Variants in METAP2 observed in about 807,000 individuals in gnomAD.
METAP2 encodes methionine aminopeptidase 2.
In METAP2, 25 loss-of-function variants were observed where a neutral mutation model predicts 59.4. The observed-to-expected ratio is 0.42, with a 90% CI of 0.31 to 0.59. The LOEUF is 0.59. Ranked by LOEUF, METAP2 falls within the 20% of genes least tolerant of loss-of-function variation. The pLI, the probability that METAP2 is intolerant of heterozygous loss-of-function variation, is 0.16. For missense variants in METAP2, 366 were observed against 581.2 expected (o/e 0.63, Z 3.81); for synonymous variants, 214 against 194.1 (o/e 1.10, Z -0.85).
intron 8 of METAP2, among the ~76,000 whole-genome samples, chr12:95,509,410 G>A (rs1342179421): frequency 2.6e-5 from 4 of 152,142 alleles, no homozygotes; most frequent in African/African-American, 7.2e-5. Context: ...TTTTGAAGAC[G>A]AAAATGAGGA....
rs77204336 is a variant in METAP2 at position 95,499,580 on chromosome 12, T to C, written c.867+3482T>C. Among the ~76,000 whole-genome samples, 7 of 151,606 alleles carry C rather than the reference T, an allele frequency of 4.6e-5. 1 individual carries two copies. Among genetic ancestry groups the C allele is most frequent in the East Asian group, 3.9e-4 (2 of 5,188 alleles). ...CCATACGAATTTAGGATTTTTTTTTTCTGCAAAAAACACCAAATGGATTTT... is the reference window on the plus strand; with the variant it reads ...CCATACGAATTTAGGATTTTTTTTTCCTGCAAAAAACACCAAATGGATTTT... On this transcript the variant is annotated intron_variant, in intron 7 of 10. Coordinates refer to ENST00000323666, the MANE Select transcript of METAP2 (RefSeq NM_006838.4).
chr12:95,510,605 G>A (rs917857121), intron 8 of METAP2, among the ~76,000 whole-genome samples: 1 of 152,192 alleles, frequency 6.6e-6, no homozygotes, highest in Non-Finnish European at 1.5e-5. Flanking sequence ...CACTGGGGAT[G>A]AAATTCCCAA....
At chr12:95,513,090 T>TAAACACAC (rs2076415551) in intron 10 of METAP2, among the ~76,000 whole-genome samples, 174 bp downstream of exon 10, 1 of 136,092 alleles carries the variant, frequency 7.3e-6, no homozygotes, top group Non-Finnish European at 1.6e-5. Context: ...AGATAAAAAT[T>TAAACACAC]ACACACACAC....
At chr12:95,509,425 A>G (rs2076385127) in intron 8 of METAP2, among the ~76,000 whole-genome samples, 1 of 152,218 alleles carries the variant, frequency 6.6e-6, no homozygotes, top group Non-Finnish European at 1.5e-5. Context: ...TGAGGATGAC[A>G]TAATTGTTTT....
chr12:95,495,164 C>T (rs750248435), intron 6 of METAP2, 26 bp downstream of exon 6: 9 of 1,565,826 alleles, frequency 5.7e-6, no homozygotes, highest in Non-Finnish European at 6.1e-6. Context: ...AAATTCCTAC[C>T]CCAGCCTCCT....
intron 2 of METAP2, among the ~76,000 whole-genome samples, chr12:95,480,030 A>C (rs1316366590): frequency 2.0e-5 from 3 of 152,200 alleles, no homozygotes; most frequent in Non-Finnish European, 4.4e-5. Flanking sequence ...CTCCAGAAAA[A>C]AGTTGTGTCT....
chr12:95,477,134 C>T lies in METAP2; in HGVS notation c.259+956C>T, dbSNP rs1003080403. ...TTTTTTTCTTTTTGAGACCGAGTCT[C>T]GCTCTGTCGCACAGGCTGGAGTGCA... On this transcript the variant is annotated intron_variant, in intron 2 of 10. Coordinates refer to ENST00000323666, the MANE Select transcript of METAP2 (RefSeq NM_006838.4). 5.3e-5 allele frequency among the ~76,000 whole-genome samples: 8 copies of T among 152,064 alleles called. No individual in the cohort carries two copies. The East Asian group carries it at 5.8e-4, about 11-fold the overall frequency.
At position 95,496,028 on chromosome 12, in the gene METAP2, C is replaced by T. The variant is rs2076273176; in HGVS notation, c.797C>T (p.Thr266Ile). The change falls in exon 7 of 11, where the codon ACT (threonine) becomes ATT (isoleucine). Residue 266 changes from threonine to isoleucine, a missense_variant. Coordinates refer to ENST00000323666, the MANE Select transcript of METAP2 (RefSeq NM_006838.4). ...GGTAGGATTATTGACTGTGCTTTTA[C>T]TGTCACTTTTAATCCCAAATATGAT... ...ISGRIIDCAF[T>I]VTFNPKYDTL... is the part of the protein sequence containing the mutation. 1 of 1,596,004 alleles carries T rather than the reference C, an allele frequency of 6.3e-7. No individual in the cohort carries two copies. The highest frequency in any genetic ancestry group is 8.6e-7 in the Non-Finnish European group (1 of 1,167,114).
chr12:95,513,603 A>G, intron 10 of METAP2, 49 bp from the exon 11 acceptor site: 1 of 1,573,340 alleles, frequency 6.4e-7, no homozygotes, highest in Non-Finnish European at 8.6e-7. Flanking sequence ...GAGGGAAATC[A>G]GTTCGTAACT....
At chr12:95,487,914 A>G (rs2076209478) in intron 4 of METAP2, among the ~76,000 whole-genome samples, 1 of 152,098 alleles carries the variant, frequency 6.6e-6, no homozygotes, top group African/African-American at 2.4e-5. Flanking sequence ...GCTGATGGCC[A>G]TTTGCTTTGT....
At chr12:95,492,254 G>C (rs550198473) in intron 4 of METAP2, among the ~76,000 whole-genome samples, 4 of 152,010 alleles carry the variant, frequency 2.6e-5, no homozygotes, top group Non-Finnish European at 5.9e-5. Context: ...TCCCACTTTG[G>C]CCTCCCAAAC....
Position 95,504,284 on chromosome 12 carries a change from G to T in METAP2, c.964+123G>T. 3 of 655,200 alleles carry T rather than the reference G, an allele frequency of 4.6e-6. No homozygotes were observed. The South Asian group carries it at 5.9e-5, about 13-fold the overall frequency. The allele number at this position is 655,200 out of a possible 1,614,324, so 40.6% of individuals were successfully genotyped here. A position where few individuals can be genotyped will look rare whatever the true frequency, so the allele number is the denominator to read the frequency against. ...AATTCAAGGAAAGAAGACGGGAAAT[G>T]ACCTGCTTAGAGCATGGTAGGAGTA... On this transcript the variant is annotated intron_variant, in intron 8 of 10. Transcript: ENST00000323666.
chr12:95,486,070 C>T (rs1230096352), intron 4 of METAP2, 89 bp downstream of exon 4: 9 of 899,834 alleles, frequency 1.0e-5, no homozygotes, highest in East Asian at 2.7e-5. Flanking sequence ...AACTTTGCTC[C>T]ACTACTTTAA....
chr12:95,493,168 A>G (rs2076252124), intron 4 of METAP2, among the ~76,000 whole-genome samples: 1 of 152,122 alleles, frequency 6.6e-6, no homozygotes, highest in African/African-American at 2.4e-5. Flanking sequence ...CATGGATCTT[A>G]TTCCCAGATA....
chr12:95,512,763 T>C (rs1265227802), intron 9 of METAP2, 38 bp from the exon 10 acceptor site: 6 of 1,122,852 alleles, frequency 5.3e-6, no homozygotes, highest in Middle Eastern at 2.0e-4. Flanking sequence ...TCTGAATTTT[T>C]CTTCTTTCTC....
intron 2 of METAP2, among the ~76,000 whole-genome samples, chr12:95,480,986 G>A (rs1032130446): frequency 2.0e-5 from 3 of 152,168 alleles, no homozygotes; most frequent in African/African-American, 7.2e-5. Context: ...TAGCTGTTAT[G>A]TTTAGGTCTA....
At position 95,494,082 on chromosome 12, in the gene METAP2, G is replaced by A; in HGVS notation, c.455G>A (p.Ser152Asn). The A allele has an allele frequency of 1.9e-6, 3 of 1,613,956 alleles. No homozygotes were observed. The highest frequency in any genetic ancestry group is 2.5e-6 in the Non-Finnish European group (3 of 1,179,964). ...DGRTAAWRTT[S>N]EEKKALDQAS... ...CGAACAGCTGCTTGGAGAACTACAA[G>A]TGAAGAAAAGAAAGCATTAGATCAG... is the stretch of plus-strand genomic sequence containing the variant. Residue 152 changes from serine (S) to asparagine (N), a missense_variant, in exon 5 of 11, where the codon AGT (serine) becomes AAT (asparagine). Transcript: ENST00000323666.
At chr12:95,495,301 A>G (rs1030750918) in intron 6 of METAP2, among the ~76,000 whole-genome samples, 163 bp downstream of exon 6, 3 of 152,076 alleles carry the variant, frequency 2.0e-5, no homozygotes, top group South Asian at 2.1e-4. Context: ...ATTTTAGTGC[A>G]CTTATAGGAG....
At chr12:95,496,181 T>C (rs551535363) in intron 7 of METAP2, 83 bp downstream of exon 7, 2 of 802,332 alleles carry the variant, frequency 2.5e-6, no homozygotes, top group East Asian at 2.5e-5. Flanking sequence ...ATTTAAGCAC[T>C]TTTAAGGCCT....
Sources: allele counts gnomAD v4.1 joint callset (sites outside exome capture counted in the v4.1 genomes callset), GRCh38; gene constraint gnomAD v4.1.1; transcripts MANE v1.5; gene names NCBI Gene and HGNC (gene_info 2026-07-23, HGNC 2026-07-21).